The following KCNK9 variants were observed in gnomAD, a reference collection of about 807,000 sequenced individuals.
The protein encoded by KCNK9 is potassium two pore domain channel subfamily K member 9.
KCNK9 carries 1 observed loss-of-function variant against 10.8 expected under a neutral mutation model. That is an observed-to-expected ratio of 0.09 (90% CI 0.03 to 0.44). The LOEUF is 0.44. Ranked by LOEUF, KCNK9 falls within the 20% of genes least tolerant of loss-of-function variation. KCNK9 has a pLI of 0.97. For synonymous variants in KCNK9, 231 were observed against 222.7 expected (o/e 1.04, Z -0.33); for missense variants, 303 against 515.0 (o/e 0.59, Z 3.98).
chr8:139,661,157 G>A (rs1365561761), intron 1 of KCNK9, among the ~76,000 whole-genome samples: 2 of 152,210 alleles, frequency 1.3e-5, no homozygotes, highest in Non-Finnish European at 2.9e-5. Flanking sequence ...AGACAAGGTA[G>A]AGAGCTTCTA....
At chr8:139,697,136 G>T (rs1373257961) in intron 1 of KCNK9, among the ~76,000 whole-genome samples, 1 of 150,780 alleles carries the variant, frequency 6.6e-6, no homozygotes, top group Non-Finnish European at 1.5e-5. Flanking sequence ...ATAAATAGTG[G>T]ATGAATGGTG....
chr8:139,628,023 A>G (rs541274761), intron 1 of KCNK9, among the ~76,000 whole-genome samples: 14 of 152,390 alleles, frequency 9.2e-5, no homozygotes, highest in Middle Eastern at 3.4e-3. Flanking sequence ...CCAATTAAAC[A>G]TTTGAAAACA....
At chr8:139,668,406 T>C (rs375186416) in intron 1 of KCNK9, among the ~76,000 whole-genome samples, 7 of 149,720 alleles carry the variant, frequency 4.7e-5, no homozygotes, top group African/African-American at 1.7e-4. Context: ...CAGACTGTAG[T>C]ATAGTGTAAA....
At chr8:139,680,810 G>C (rs1356582402) in intron 1 of KCNK9, among the ~76,000 whole-genome samples, 1 of 152,144 alleles carries the variant, frequency 6.6e-6, no homozygotes, top group Non-Finnish European at 1.5e-5. Flanking sequence ...TCGCATTCTG[G>C]AACTGCAGAG....
intron 1 of KCNK9, among the ~76,000 whole-genome samples, chr8:139,690,128 T>C (rs79213381): frequency 0.012 from 1,796 of 152,272 alleles, 36 homozygotes; most frequent in African/African-American, 0.041. Flanking sequence ...AGCTAACTGA[T>C]AAAGGTGAAA....
At chr8:139,608,210 T>C (rs1814297219), downstream of KCNK9, among the ~76,000 whole-genome samples, 1 of 152,172 alleles carries the variant, frequency 6.6e-6, no homozygotes, top group African/African-American at 2.4e-5. Context: ...AGGGAGGTGC[T>C]GGTGACAAGG....
At chr8:139,614,729 T>C (rs1814528387), downstream of KCNK9, among the ~76,000 whole-genome samples, 1 of 152,362 alleles carries the variant, frequency 6.6e-6, no homozygotes, top group East Asian at 1.9e-4. Context: ...ATGAGGATTA[T>C]AGCTGGATGG....
chr8:139,666,477 T>G lies in KCNK9; in HGVS notation c.283+36233A>C, dbSNP rs546668838. Among the ~76,000 whole-genome samples, 10 of 152,326 alleles carry G rather than the reference T, an allele frequency of 6.6e-5. No individual in the cohort carries two copies. The South Asian group carries it at 2.1e-3, about 32-fold the overall frequency. ...CTCTAAAGTGCTCAGAACACTGTGG[T>G]CATCCCCATTTTTATGGAGGAGGAA... is the stretch of plus-strand genomic sequence containing the variant. On this transcript the variant is annotated intron_variant, in intron 1 of 1. Coordinates refer to ENST00000520439, the MANE Select transcript of KCNK9 (RefSeq NM_001282534.2).
chr8:139,696,910 T>C (rs1179820221), intron 1 of KCNK9, among the ~76,000 whole-genome samples: 1 of 136,962 alleles, frequency 7.3e-6, no homozygotes, highest in Non-Finnish European at 1.6e-5. Context: ...GATGGATGGG[T>C]GAGTGGGTGG....
intron 1 of KCNK9, among the ~76,000 whole-genome samples, chr8:139,656,354 G>A (rs1377277718): frequency 6.6e-6 from 1 of 152,206 alleles, no homozygotes; most frequent in Non-Finnish European, 1.5e-5. Context: ...ATGCACCTGA[G>A]GTCCTGTGCT....
intron 1 of KCNK9, among the ~76,000 whole-genome samples, chr8:139,687,303 T>C (rs1467903462): frequency 6.7e-6 from 1 of 149,986 alleles, no homozygotes; most frequent in East Asian, 2.0e-4. Flanking sequence ...TACATTTTGT[T>C]TGGTTTTTCT....
chr8:139,620,594 G>A (rs1306630044), intron 1 of KCNK9, among the ~76,000 whole-genome samples: 2 of 152,006 alleles, frequency 1.3e-5, no homozygotes, highest in East Asian at 1.9e-4. Context: ...GGCTCAGTCT[G>A]TCTGTCTCCG....
downstream of KCNK9, among the ~76,000 whole-genome samples, chr8:139,609,827 T>C (rs895244607): frequency 3.3e-5 from 5 of 152,096 alleles, no homozygotes; most frequent in African/African-American, 9.7e-5. Context: ...TGAAGTCAGC[T>C]CAGCCAGTCC....
intron 1 of KCNK9, among the ~76,000 whole-genome samples, chr8:139,697,347 TTGGATGGATGGATGGATGGA>T (rs75812728): frequency 5.1e-4 from 73 of 143,796 alleles, no homozygotes; most frequent in South Asian, 1.9e-3. Context: ...GAGTGGATGG[TTGGATGGATGGATGGATGGA>T]TGGATGGATG....
At chr8:139,685,387 C>G (rs910517577) in intron 1 of KCNK9, among the ~76,000 whole-genome samples, 2 of 152,170 alleles carry the variant, frequency 1.3e-5, no homozygotes, top group Non-Finnish European at 2.9e-5. Flanking sequence ...CACCCATCAA[C>G]TCGTCGTTTA....
chr8:139,629,655 G>GAT (rs1362115825), intron 1 of KCNK9, among the ~76,000 whole-genome samples: 2 of 152,030 alleles, frequency 1.3e-5, no homozygotes, highest in East Asian at 3.9e-4. Context: ...CACAGTTCTG[G>GAT]AGCCTAGAAC....
intron 1 of KCNK9, among the ~76,000 whole-genome samples, chr8:139,678,160 T>C (rs1816606951): frequency 6.6e-6 from 1 of 152,186 alleles, no homozygotes; most frequent in Non-Finnish European, 1.5e-5. Context: ...ATACAATCCC[T>C]CAGGTTTCTC....
downstream of KCNK9, chr8:139,617,081 C>A (rs978751472): frequency 3.9e-5 from 6 of 152,294 alleles, no homozygotes; most frequent in South Asian, 2.1e-4. Context: ...CCAATGTGAA[C>A]TTTACCCTAT....
rs143042338 is a variant in KCNK9, at chr8:139,630,793, C to T, written c.284-11694G>A. ...ACAGCAGGGTGGGTGGAGAAGGCTG[C>T]GGTCAAGGCACACCCCCTTCTCAGT... On this transcript the variant is annotated intron_variant, in intron 1 of 1. Coordinates refer to ENST00000520439, the MANE Select transcript of KCNK9 (RefSeq NM_001282534.2). 3.1e-3 allele frequency among the ~76,000 whole-genome samples: 471 copies of T among 152,316 alleles called. 2 individuals are homozygous for T. Among genetic ancestry groups the T allele is most frequent in the African/African-American group, 0.01 (418 of 41,564 alleles).
Sources: allele counts gnomAD v4.1 joint callset (sites outside exome capture counted in the v4.1 genomes callset), GRCh38; gene constraint gnomAD v4.1.1; transcripts MANE v1.5; gene names NCBI Gene and HGNC (gene_info 2026-07-23, HGNC 2026-07-21).